SCAI: variants seen among roughly 807,000 people sequenced by gnomAD.
The protein encoded by SCAI is protein SCAI.
In SCAI, 24 loss-of-function variants were observed where a neutral mutation model predicts 92.2. The ratio of observed to expected loss-of-function variants is 0.26; its 90% CI spans 0.19 to 0.37. The LOEUF is 0.37. SCAI is among the 10% of genes least tolerant of loss of function. The pLI is 1.00. For synonymous variants in SCAI, 261 were observed against 258.6 expected (o/e 1.01, Z -0.09); for missense variants, 450 against 736.2 (o/e 0.61, Z 4.50).
chr9:125,143,512 G>A lies in SCAI; in HGVS notation c.-75C>T, dbSNP rs1282657340. ...TCGGGAAGCTGAGGCGGCGGAGGCT[G>A]GAGTAGGCGGAGAGGCGGGAGGAGG... On this transcript the variant is annotated 5_prime_UTR_variant, in exon 1 of 18. Coordinates refer to ENST00000336505, the MANE Select transcript of SCAI (RefSeq NM_001144877.3). 13 of 1,242,488 alleles carry A rather than the reference G, an allele frequency of 1.0e-5. No individual in the cohort carries two copies. The highest frequency in any genetic ancestry group is 3.2e-5 in the East Asian group (1 of 31,398). The allele number at this position is 1,242,488 out of a possible 1,614,324, so 77.0% of individuals were successfully genotyped here.
At chr9:125,052,473 G>C (rs1212905181) in intron 3 of SCAI, among the ~76,000 whole-genome samples, 1 of 151,934 alleles carries the variant, frequency 6.6e-6, no homozygotes, top group Non-Finnish European at 1.5e-5. Context: ...CGGGGTAGGG[G>C]GGCGGTGGGT....
intron 2 of SCAI, chr9:125,142,139 G>A (rs1199966129): frequency 6.5e-6 from 1 of 153,096 alleles, no homozygotes; most frequent in African/African-American, 2.4e-5. Flanking sequence ...TGGGTACATA[G>A]TAGGTGTATA....
chr9:124,962,316 C>T (rs769148746), intron 17 of SCAI, among the ~76,000 whole-genome samples: 5 of 151,844 alleles, frequency 3.3e-5, no homozygotes, highest in Admixed American at 2.0e-4. Context: ...CACGCCACGA[C>T]GCCCAGCTAA....
chr9:125,039,229 A>G (rs896173925), intron 3 of SCAI, among the ~76,000 whole-genome samples: 4 of 152,098 alleles, frequency 2.6e-5, no homozygotes, highest in African/African-American at 9.7e-5. Flanking sequence ...TACTAAAAAT[A>G]CAAAAGAATT....
At chr9:125,012,740 C>T (rs1480692815) in intron 9 of SCAI, among the ~76,000 whole-genome samples, 10 of 152,192 alleles carry the variant, frequency 6.6e-5, no homozygotes, top group Middle Eastern at 6.8e-3. Context: ...TTTTCAGCAC[C>T]ACACCACACC....
At chr9:125,126,726 A>C (rs2131258514) in intron 2 of SCAI, among the ~76,000 whole-genome samples, 1 of 152,334 alleles carries the variant, frequency 6.6e-6, no homozygotes, top group South Asian at 2.1e-4. Flanking sequence ...CACTCAAGGG[A>C]GGAGAATTCA....
chr9:125,059,028 T>C (rs1833725029), intron 2 of SCAI, among the ~76,000 whole-genome samples: 1 of 152,222 alleles, frequency 6.6e-6, no homozygotes, highest in South Asian at 2.1e-4. Context: ...GAAAGTGTGG[T>C]AGTGAATGGG....
intron 16 of SCAI, 80 bp from the exon 17 acceptor site, chr9:124,971,550 G>T: frequency 1.4e-6 from 2 of 1,414,688 alleles, no homozygotes; most frequent in Non-Finnish European, 2.0e-6. Flanking sequence ...CTTCAGGAAA[G>T]CGTTCTCAAC....
intron 2 of SCAI, among the ~76,000 whole-genome samples, chr9:125,101,889 C>G (rs555047346): frequency 9.8e-5 from 15 of 152,336 alleles, no homozygotes; most frequent in African/African-American, 3.4e-4. Flanking sequence ...CTTGAATAAA[C>G]TAAACATATA....
intron 2 of SCAI, among the ~76,000 whole-genome samples, chr9:125,103,311 A>G (rs1489366482): frequency 6.6e-6 from 1 of 151,964 alleles, no homozygotes; most frequent in Non-Finnish European, 1.5e-5. Flanking sequence ...TTTGAGGATG[A>G]TTTTTCAGTC....
intron 13 of SCAI, among the ~76,000 whole-genome samples, chr9:124,996,215 G>A (rs941367595): frequency 2.7e-5 from 4 of 150,666 alleles, no homozygotes; most frequent in Non-Finnish European, 4.4e-5. Flanking sequence ...GCGGTGGGGC[G>A]GGGGTGGGGG....
intron 17 of SCAI, among the ~76,000 whole-genome samples, chr9:124,965,145 T>C (rs1183456418): frequency 6.6e-6 from 1 of 152,236 alleles, no homozygotes; most frequent in Non-Finnish European, 1.5e-5. Context: ...TGCCAGAATT[T>C]AATTCTCTAG....
intron 9 of SCAI, 39 bp from the exon 10 acceptor site, chr9:125,003,609 T>C (rs913805137): frequency 2.4e-6 from 3 of 1,267,122 alleles, no homozygotes; most frequent in Non-Finnish European, 3.4e-6. Context: ...CTAGCCTTAA[T>C]GCAACACGCA....
At chr9:125,119,979 T>C (rs1357553639) in intron 2 of SCAI, among the ~76,000 whole-genome samples, 1 of 152,174 alleles carries the variant, frequency 6.6e-6, no homozygotes, top group Non-Finnish European at 1.5e-5. Context: ...AGAGAGAAAG[T>C]TAGAAATCCA....
At position 125,129,556 on chromosome 9, in the gene SCAI, C is replaced by T. The variant is rs548553818; in HGVS notation, c.98+13077G>A. ...TTGGCTCACTGCAACCTCCACCTCC[C>T]GGGTTCAAGTGATTCTCCTGCATCA... is the stretch of plus-strand genomic sequence containing the variant. On this transcript the variant is annotated intron_variant, in intron 2 of 17. Transcript: ENST00000336505. 1.9e-4 allele frequency among the ~76,000 whole-genome samples: 27 copies of T among 139,778 alleles called. 1 individual carries two copies. Among genetic ancestry groups the T allele is most frequent in the Admixed American group, 1.7e-3 (23 of 13,618 alleles). 91.7% of individuals were successfully genotyped at this position (139,778 alleles called of 152,430 possible).
chr9:125,142,970 C>G (rs532310396), intron 1 of SCAI, among the ~76,000 whole-genome samples: 1 of 152,018 alleles, frequency 6.6e-6, no homozygotes, highest in African/African-American at 2.4e-5. Context: ...CCCACCTCCA[C>G]CTACTCATTG....
intron 3 of SCAI, among the ~76,000 whole-genome samples, chr9:125,046,342 T>TGTGA (rs1564392027): frequency 9.3e-5 from 1 of 10,780 alleles, no homozygotes; most frequent in African/African-American, 4.0e-4. Flanking sequence ...CATATATATA[T>TGTGA]GTGTGTGTGT....
At chr9:124,986,535 A>G (rs941758204) in intron 14 of SCAI, among the ~76,000 whole-genome samples, 1 of 152,220 alleles carries the variant, frequency 6.6e-6, no homozygotes, top group Non-Finnish European at 1.5e-5. Flanking sequence ...TGTGGAGGAC[A>G]CAGTGTGAAT....
chr9:125,056,966 TAATA>T (rs1404402208), intron 2 of SCAI, among the ~76,000 whole-genome samples: 3 of 152,198 alleles, frequency 2.0e-5, no homozygotes, highest in Non-Finnish European at 4.4e-5. Flanking sequence ...TCTCCACTTG[TAATA>T]AATTTCATAA....
Sources: gnomAD v4.1 joint callset for allele counts (sites outside exome capture counted in the v4.1 genomes callset) on GRCh38, gnomAD v4.1.1 for gene constraint, MANE v1.5 for transcripts, NCBI Gene and HGNC (gene_info 2026-07-23, HGNC 2026-07-21) for gene names.